The following PAPPA variants were observed in gnomAD, a reference collection of about 807,000 sequenced individuals.
The protein encoded by PAPPA is pappalysin 1.
Under a neutral mutation model 164.0 loss-of-function variants are expected in PAPPA, and 60 were observed. The observed-to-expected ratio is 0.37, with a 90% CI of 0.30 to 0.45. The LOEUF (loss-of-function observed/expected upper bound fraction) is 0.45. Ranked by LOEUF, PAPPA falls within the 20% of genes least tolerant of loss-of-function variation. The probability of loss-of-function intolerance (pLI) is 1.00; values close to 1 mark genes in which losing one functional copy is unlikely to be tolerated. For synonymous variants in PAPPA, 875 were observed against 814.1 expected (o/e 1.07, Z -1.27); for missense variants, 1,782 against 2,087.3 (o/e 0.85, Z 2.85).
intron 2 of PAPPA, among the ~76,000 whole-genome samples, chr9:116,192,641 G>C (rs974280263): frequency 6.6e-6 from 1 of 152,180 alleles, no homozygotes; most frequent in Non-Finnish European, 1.5e-5. Context: ...CTAGCCAGGA[G>C]GAGCAGTCTG....
intron 20 of PAPPA, 36 bp from the exon 21 acceptor site, chr9:116,382,359 C>A: frequency 7.4e-7 from 1 of 1,355,572 alleles, no homozygotes; most frequent in Non-Finnish European, 1.1e-6. Flanking sequence ...AGGATGCTAA[C>A]AAGGCCTCAT....
chr9:116,274,989 A>T (rs1237877134), intron 9 of PAPPA, among the ~76,000 whole-genome samples: 1 of 152,194 alleles, frequency 6.6e-6, no homozygotes, highest in African/African-American at 2.4e-5. Flanking sequence ...GGCATCTAGC[A>T]TCAAAGCTGA....
intron 7 of PAPPA, among the ~76,000 whole-genome samples, chr9:116,241,073 A>G (rs561373707): frequency 1.2e-4 from 18 of 152,324 alleles, no homozygotes; most frequent in African/African-American, 4.1e-4. Flanking sequence ...TGTTTATATG[A>G]TCTGGGTGGA....
At chr9:116,201,504 G>A (rs965066534) in intron 2 of PAPPA, among the ~76,000 whole-genome samples, 15 of 152,142 alleles carry the variant, frequency 9.9e-5, no homozygotes, top group Non-Finnish European at 1.9e-4. Flanking sequence ...CTGGTGGAGC[G>A]GGAACCCAAC....
intron 2 of PAPPA, among the ~76,000 whole-genome samples, chr9:116,205,182 G>C (rs573305422): frequency 6.6e-6 from 1 of 150,402 alleles, no homozygotes; most frequent in Non-Finnish European, 1.5e-5. Flanking sequence ...GCTTCCCAAA[G>C]TATGAAAAAA....
At chr9:116,330,746 T>C (rs1845980682) in intron 10 of PAPPA, among the ~76,000 whole-genome samples, 1 of 152,210 alleles carries the variant, frequency 6.6e-6, no homozygotes, top group Non-Finnish European at 1.5e-5. Flanking sequence ...ACAGATTTGT[T>C]CTAAAATCTT....
intron 10 of PAPPA, among the ~76,000 whole-genome samples, chr9:116,319,836 G>T (rs932546135): frequency 6.6e-6 from 1 of 152,170 alleles, no homozygotes; most frequent in Admixed American, 6.5e-5. Context: ...AGTAATACTG[G>T]CTTCCCGGGA....
intron 2 of PAPPA, among the ~76,000 whole-genome samples, chr9:116,196,404 C>T (rs1045141820): frequency 2.6e-5 from 4 of 152,220 alleles, no homozygotes. Context: ...ACTGATGACA[C>T]TGACCACTCA....
At position 116,400,815 on chromosome 9, in the gene PAPPA, T is replaced by G. The variant is rs566221334; in HGVS notation, c.*4199T>G. 1 of 152,758 alleles carries G rather than the reference T, an allele frequency of 6.5e-6. No homozygotes were observed. 9.5% of individuals were successfully genotyped at this position (152,758 alleles called of 1,614,324 possible). A position where few individuals can be genotyped will look rare whatever the true frequency, so the allele number is the denominator to read the frequency against. ...GCCAAAAGAGAAATTATGTCCCTGT[T>G]GTACAGAAGTTAGAATTTTTGACTC... On this transcript the variant is annotated 3_prime_UTR_variant, in exon 22 of 22. Coordinates refer to ENST00000328252, the MANE Select transcript of PAPPA (RefSeq NM_002581.5).
At chr9:116,257,717 T>G (rs550656327) in intron 7 of PAPPA, among the ~76,000 whole-genome samples, 13 of 151,852 alleles carry the variant, frequency 8.6e-5, no homozygotes, top group Non-Finnish European at 1.6e-4. Flanking sequence ...ACAAAAAAAG[T>G]CTGAGGATTG....
intron 9 of PAPPA, among the ~76,000 whole-genome samples, chr9:116,299,369 C>T (rs989349983): frequency 3.3e-5 from 5 of 152,144 alleles, no homozygotes; most frequent in African/African-American, 1.2e-4. Flanking sequence ...GTGTCTATTT[C>T]TACCTTTCCT....
At chr9:116,269,268 A>G (rs1046684247) in intron 8 of PAPPA, among the ~76,000 whole-genome samples, 5 of 152,198 alleles carry the variant, frequency 3.3e-5, no homozygotes, top group Admixed American at 1.3e-4. Flanking sequence ...TCAAGCTTCC[A>G]CATCTGGTAA....
intron 2 of PAPPA, 72 bp from the exon 3 acceptor site, chr9:116,207,384 C>T: frequency 2.3e-6 from 3 of 1,332,980 alleles, no homozygotes; most frequent in Non-Finnish European, 3.1e-6. Context: ...CATAGTAGCT[C>T]TAAATTATTT....
chr9:116,372,618 A>G (rs1393206168), intron 19 of PAPPA, among the ~76,000 whole-genome samples: 1 of 152,144 alleles, frequency 6.6e-6, no homozygotes, highest in Non-Finnish European at 1.5e-5. Flanking sequence ...AGGGATGCTG[A>G]GAGTGTTTCA....
chr9:116,363,063 T>C (rs1008347006), intron 18 of PAPPA, among the ~76,000 whole-genome samples: 7 of 152,166 alleles, frequency 4.6e-5, no homozygotes, highest in Non-Finnish European at 1.0e-4. Flanking sequence ...GAAATGCTAT[T>C]GCAGGCAGAA....
At chr9:116,325,125 A>G (rs983138582) in intron 10 of PAPPA, among the ~76,000 whole-genome samples, 15 of 152,192 alleles carry the variant, frequency 9.9e-5, no homozygotes, top group African/African-American at 3.6e-4. Flanking sequence ...GTTGAGTCCA[A>G]GTAGCAATTG....
intron 1 of PAPPA, among the ~76,000 whole-genome samples, chr9:116,185,543 G>A (rs1340197325): frequency 6.6e-6 from 1 of 152,178 alleles, no homozygotes; most frequent in Non-Finnish European, 1.5e-5. Flanking sequence ...CCAGCTGAGA[G>A]TAGTCACTGT....
Position 116,188,037 on chromosome 9 carries a change from G to A in PAPPA, c.1299G>A (p.Thr433=), listed in dbSNP as rs760925331. The A allele has an allele frequency of 2.4e-5, 38 of 1,614,064 alleles. No homozygotes were observed. The highest frequency in any genetic ancestry group is 2.8e-5 in the Non-Finnish European group (33 of 1,180,048). ...ACCCCGAGTGCAACCACACGCTGAC[G>A]GGCCACGACGGCGGGGATTGCCGCC... ...NCDPECNHTL[T]GHDGGDCRHL... The change falls in exon 2 of 22, where the codon ACG becomes ACA. Residue 433 remains threonine (T), a synonymous_variant. Coordinates refer to ENST00000328252, the MANE Select transcript of PAPPA (RefSeq NM_002581.5).
intron 9 of PAPPA, among the ~76,000 whole-genome samples, chr9:116,291,651 C>G (rs1260157155): frequency 6.6e-6 from 1 of 151,966 alleles, no homozygotes; most frequent in Non-Finnish European, 1.5e-5. Context: ...AATTCAAGAG[C>G]TGTACAAAAT....
Sources: allele counts gnomAD v4.1 joint callset (sites outside exome capture counted in the v4.1 genomes callset), GRCh38; gene constraint gnomAD v4.1.1; transcripts MANE v1.5; gene names NCBI Gene and HGNC (gene_info 2026-07-23, HGNC 2026-07-21).